ATRN: variants seen among roughly 807,000 people sequenced by gnomAD.
The protein encoded by ATRN is attractin.
ATRN carries 54 observed loss-of-function variants against 178.7 expected under a neutral mutation model. That is an observed-to-expected ratio of 0.30 (90% CI 0.24 to 0.38). The LOEUF is 0.38. Among genes scored for constraint, ATRN ranks in the 10% least tolerant of loss-of-function variants. The pLI is 1.00. For synonymous variants in ATRN, 636 were observed against 663.0 expected, an observed-to-expected ratio of 0.96 and a Z score of 0.63; for missense variants, 1,443 against 1,815.1, an observed-to-expected ratio of 0.79 and a Z score of 3.73.
chr20:3,608,602 G>A (rs368766839), intron 24 of ATRN, among the ~76,000 whole-genome samples: 4 of 152,100 alleles, frequency 2.6e-5, no homozygotes, highest in Admixed American at 2.6e-4. Flanking sequence ...GCTGTTGTGG[G>A]TACTATAGCT....
At chr20:3,640,583 A>G (rs537047111) in intron 27 of ATRN, among the ~76,000 whole-genome samples, 1 of 152,380 alleles carries the variant, frequency 6.6e-6, no homozygotes, top group Admixed American at 6.5e-5. Context: ...TATAACTCCA[A>G]AGACAAAGAG....
At chr20:3,559,275 C>A (rs1176827537) in intron 6 of ATRN, 118 bp from the exon 7 acceptor site, 2 of 755,928 alleles carry the variant, frequency 2.6e-6, no homozygotes, top group African/African-American at 1.7e-5. Flanking sequence ...GACAAGTGCC[C>A]CCCTACATCC....
intron 27 of ATRN, among the ~76,000 whole-genome samples, chr20:3,643,223 C>G (rs1179611571): frequency 6.6e-6 from 1 of 152,184 alleles, no homozygotes; most frequent in African/African-American, 2.4e-5. Context: ...CAGGAGATAG[C>G]TGATAATTCC....
intron 25 of ATRN, among the ~76,000 whole-genome samples, chr20:3,634,075 C>T (rs1307159338): frequency 6.6e-6 from 1 of 152,164 alleles, no homozygotes; most frequent in African/African-American, 2.4e-5. Flanking sequence ...GGTCAGGGCT[C>T]TCTCTGAATA....
At chr20:3,482,739 A>G (rs2084638946) in intron 1 of ATRN, among the ~76,000 whole-genome samples, 1 of 152,334 alleles carries the variant, frequency 6.6e-6, no homozygotes, top group South Asian at 2.1e-4. Context: ...AGATGACATG[A>G]CTGTCTTTTA....
intron 27 of ATRN, among the ~76,000 whole-genome samples, chr20:3,640,601 T>TA (rs1339808918): frequency 6.6e-6 from 1 of 152,190 alleles, no homozygotes; most frequent in African/African-American, 2.4e-5. Context: ...GAGAACATCT[T>TA]AAAATCAGCC....
intron 1 of ATRN, among the ~76,000 whole-genome samples, chr20:3,526,681 A>G (rs921073491): frequency 2.0e-5 from 3 of 152,212 alleles, no homozygotes; most frequent in African/African-American, 2.4e-5. Context: ...CCTGACTTCA[A>G]ACTATACTAC....
intron 21 of ATRN, among the ~76,000 whole-genome samples, chr20:3,597,425 T>C (rs138605058): frequency 6.6e-5 from 10 of 152,234 alleles, no homozygotes; most frequent in African/African-American, 2.2e-4. Flanking sequence ...CTTAACATCA[T>C]TCGTTATTTG....
At chr20:3,512,107 A>ATATATATATATATATTTTTTT in intron 1 of ATRN, among the ~76,000 whole-genome samples, 1 of 106,396 alleles carries the variant, frequency 9.4e-6, no homozygotes, top group Non-Finnish European at 1.8e-5. Context: ...ATATATATAT[A>ATATATATATATATATTTTTTT]TTTTTTTTTT....
At chr20:3,517,097 C>A (rs140773184) in intron 1 of ATRN, among the ~76,000 whole-genome samples, 1 of 152,156 alleles carries the variant, frequency 6.6e-6, no homozygotes, top group Non-Finnish European at 1.5e-5. Flanking sequence ...ATTTACACTC[C>A]CAACAGTGTA....
In ATRN at chr20:3,578,770, A is replaced by T; in HGVS notation, c.2542A>T (p.Met848Leu). 6.2e-7 allele frequency: 1 copy of T among 1,608,220 alleles called. No homozygotes were observed. The highest frequency in any genetic ancestry group is 8.5e-7 in the Non-Finnish European group (1 of 1,177,628). ...QLRIMQSSQS[M>L]SKLTLTPWVG... Reference sequence around the variant, plus strand: ...GCGAATAATGCAGTCATCTCAGAGCATGGTGAGTTAAAATCCTCAAAACTT... The same window carrying T: ...GCGAATAATGCAGTCATCTCAGAGCTTGGTGAGTTAAAATCCTCAAAACTT... Residue 848 changes from methionine to leucine, a missense_variant and splice_region_variant, in exon 15 of 29, where the codon ATG becomes TTG. Met to Leu is a conservative substitution (Grantham distance 15). This residue lies in a region of ATRN where 212 missense variants were observed against 330.7 expected (regional missense o/e 0.64). Transcript: ENST00000262919.
chr20:3,632,851 A>G lies in ATRN; in HGVS notation c.3864-1460A>G, dbSNP rs183800763. 2.0e-5 allele frequency among the ~76,000 whole-genome samples: 3 copies of G among 152,344 alleles called. No homozygotes were observed. Among genetic ancestry groups the G allele is most frequent in the Admixed American group, 6.5e-5 (1 of 15,306 alleles). On this transcript the variant is annotated intron_variant, in intron 25 of 28. Transcript: ENST00000262919. The surrounding 1 kb of genome is among the most constrained non-coding windows in gnomAD (Gnocchi z 4.2). ...ACCTGACCCAATTAAAGTATTGATT[A>G]AAAAGACAATGTAGGCCAGTCACGT...
At chr20:3,577,369 G>A (rs117559410) in intron 14 of ATRN, among the ~76,000 whole-genome samples, 239 of 152,156 alleles carry the variant, frequency 1.6e-3, no homozygotes, top group Non-Finnish European at 2.9e-3. Flanking sequence ...ATTAACCACT[G>A]GGATTTAATT....
intron 28 of ATRN, among the ~76,000 whole-genome samples, chr20:3,644,548 CT>C (rs1296442960): frequency 5.3e-5 from 8 of 152,206 alleles, no homozygotes; most frequent in Non-Finnish European, 7.3e-5. Flanking sequence ...CCACACCTTC[CT>C]TTGCTGTCGG....
At chr20:3,518,070 T>C (rs1197288001) in intron 1 of ATRN, among the ~76,000 whole-genome samples, 1 of 152,268 alleles carries the variant, frequency 6.6e-6, no homozygotes. Flanking sequence ...CTATCTTCAG[T>C]GTGTTCTGTA....
intron 1 of ATRN, among the ~76,000 whole-genome samples, chr20:3,522,078 G>T (rs897183265): frequency 2.6e-5 from 4 of 152,032 alleles, no homozygotes; most frequent in African/African-American, 9.7e-5. Flanking sequence ...ACGTGAGCCA[G>T]AGTTTCTGTG....
chr20:3,628,444 G>A (rs1328441044), intron 25 of ATRN, among the ~76,000 whole-genome samples: 2 of 152,120 alleles, frequency 1.3e-5, no homozygotes. Context: ...ACATTAAGTG[G>A]AAAATTCCAG....
chr20:3,597,075 A>T (rs1267023673), intron 21 of ATRN, among the ~76,000 whole-genome samples: 2 of 23,960 alleles, frequency 8.3e-5, no homozygotes, highest in African/African-American at 1.3e-4. Flanking sequence ...TATATATATA[A>T]AACTTCTAAA....
chr20:3,599,604 C>T (rs1344967151), intron 22 of ATRN, among the ~76,000 whole-genome samples: 1 of 152,050 alleles, frequency 6.6e-6, no homozygotes, highest in Non-Finnish European at 1.5e-5. Flanking sequence ...TTCAACCAAG[C>T]GTGGAATGAA....
Sources: allele counts gnomAD v4.1 joint callset (sites outside exome capture counted in the v4.1 genomes callset), GRCh38; gene constraint gnomAD v4.1.1; regional missense constraint gnomAD v4.1.1; non-coding constraint Gnocchi (gnomAD v3.1); transcripts MANE v1.5; gene names NCBI Gene and HGNC (gene_info 2026-07-23, HGNC 2026-07-21).